RNF44: variants seen among roughly 807,000 people sequenced by gnomAD.
RNF44 encodes the protein ring finger protein 44.
RNF44 carries 25 observed loss-of-function variants against 53.6 expected under a neutral mutation model. That is an observed-to-expected ratio of 0.47 (90% confidence interval 0.34 to 0.65). The LOEUF (loss-of-function observed/expected upper bound fraction) is 0.65, where lower values mean the gene tolerates loss of function less well. Among genes scored for constraint, RNF44 ranks in the 30% least tolerant of loss-of-function variants. The pLI, the probability that RNF44 is intolerant of heterozygous loss-of-function variation, is 0.01. For synonymous variants in RNF44, 282 were observed against 252.2 expected, an observed-to-expected ratio of 1.12 and a Z score of -1.12; for missense variants, 581 against 595.5, an observed-to-expected ratio of 0.98 and a Z score of 0.25.
Position 176,530,912 on chromosome 5 carries a change from G to T in RNF44, c.575C>A (p.Pro192His), listed in dbSNP as rs748534121. ...ILHPPPPAPPPQPTHMAPLGQ... is the reference protein window; with the variant it reads ...ILHPPPPAPPHQPTHMAPLGQ... ...CAGGGGCGCCATGTGGGTGGGCTGG[G>T]GGGGTGGGGCCGGTGGTGGGGGGTG... The change falls in exon 5 of 11, where the codon CCC becomes CAC. Residue 192 changes from proline to histidine, a missense_variant. Transcript: ENST00000274811. 2.1e-6 allele frequency: 3 copies of T among 1,399,290 alleles called. No individual in the cohort carries two copies. Among genetic ancestry groups the T allele is most frequent in the East Asian group, 5.5e-5 (2 of 36,626 alleles). 86.7% of individuals were successfully genotyped at this position (1,399,290 alleles called of 1,614,324 possible).
chr5:176,527,800 C>G lies in RNF44; in HGVS notation c.*1228G>C, dbSNP rs1314212986. 6.6e-6 allele frequency: 1 copy of G among 152,336 alleles called. No individual in the cohort carries two copies. Among genetic ancestry groups the G allele is most frequent in the Non-Finnish European group, 1.5e-5 (1 of 68,090 alleles). The allele number at this position is 152,336 out of a possible 1,614,324, so 9.4% of individuals were successfully genotyped here. A position where few individuals can be genotyped will look rare whatever the true frequency, so the allele number is the denominator to read the frequency against. On this transcript the variant is annotated 3_prime_UTR_variant, in exon 11 of 11. Coordinates refer to ENST00000274811, the MANE Select transcript of RNF44 (RefSeq NM_014901.5). ...GCTCAGCCAGACCCTACAGCGGCCT[C>G]CTCCAGAACTTGGAGGACAGGGATC...
rs369728173 is a variant in RNF44 at position 176,527,424 on chromosome 5, C to T, written c.*1604G>A. 2 of 152,480 alleles carry T rather than the reference C, an allele frequency of 1.3e-5. No individual in the cohort carries two copies. Among genetic ancestry groups the T allele is most frequent in the Non-Finnish European group, 2.9e-5 (2 of 68,016 alleles). 9.4% of individuals were successfully genotyped at this position (152,480 alleles called of 1,614,324 possible). ...CCAGGAACTGTAAGGGGTTTGAAAA[C>T]GTTTTGTTGGGGTCGGGAAGGGAGG... is the stretch of plus-strand genomic sequence containing the variant. On this transcript the variant is annotated 3_prime_UTR_variant, in exon 11 of 11. Coordinates refer to ENST00000274811, the MANE Select transcript of RNF44 (RefSeq NM_014901.5).
At chr5:176,539,730 T>G (rs1316219707), upstream of RNF44, among the ~76,000 whole-genome samples, 2 of 152,004 alleles carry the variant, frequency 1.3e-5, no homozygotes, top group African/African-American at 4.8e-5. Flanking sequence ...TACCTACATA[T>G]TTGTTAGATT....
upstream of RNF44, among the ~76,000 whole-genome samples, chr5:176,543,000 G>C (rs1250806852): frequency 7.9e-5 from 12 of 152,088 alleles, no homozygotes; most frequent in Admixed American, 2.6e-4. Context: ...GGACGTGCGC[G>C]GGGCGCAGGG....
chr5:176,530,528 G>A (rs553858632), intron 6 of RNF44, 54 bp downstream of exon 6: 46 of 1,368,118 alleles, frequency 3.4e-5, no homozygotes, highest in African/African-American at 1.5e-4. Context: ...TCGGCCCAGC[G>A]GGTCTGCCTC....
At position 176,532,353 on chromosome 5, in the gene RNF44, G is replaced by T; in HGVS notation, c.107+13C>A. 1.9e-6 allele frequency: 3 copies of T among 1,601,766 alleles called. No individual in the cohort carries two copies. The highest frequency in any genetic ancestry group is 2.6e-6 in the Non-Finnish European group (3 of 1,175,424). On this transcript the variant is annotated intron_variant, in intron 2 of 10. Coordinates refer to ENST00000274811, the MANE Select transcript of RNF44 (RefSeq NM_014901.5). ...CCATGCCCCAGCACCAGGACTGGGA[G>T]GCTCCTTCCTACCTTCCCCAGAGCT...
upstream of RNF44, chr5:176,537,504 TC>T (rs745619252): frequency 5.9e-5 from 9 of 151,842 alleles, no homozygotes; most frequent in African/African-American, 9.7e-5. Context: ...TTTTTTAACC[TC>T]CTCCTCGCCC....
Position 176,532,434 on chromosome 5 carries a change from G to C in RNF44, c.39C>G (p.Pro13=). 6.2e-7 allele frequency: 1 copy of C among 1,606,526 alleles called. No individual in the cohort carries two copies. The highest frequency in any genetic ancestry group is 8.5e-7 in the Non-Finnish European group (1 of 1,178,704). The change falls in exon 2 of 11, where the codon CCC becomes CCG. Residue 13 remains proline, a synonymous_variant. Transcript: ENST00000274811. The part of the protein sequence containing the change: ...PWALAVTRWP[P]SAPVGQRRFS... ...ATCGCCGCTGGCCCACGGGGGCGGA[G>C]GGTGGCCACCTAGTCACTGCCAGAG...
At chr5:176,532,345 G>C in intron 2 of RNF44, 21 bp downstream of exon 2, 1 of 1,595,780 alleles carries the variant, frequency 6.3e-7, no homozygotes, top group Middle Eastern at 1.7e-4. Flanking sequence ...CCAGCACCAG[G>C]ACTGGGAGGC....
Position 176,530,194 on chromosome 5 carries a change from T to C in RNF44, c.814A>G (p.Met272Val), listed in dbSNP as rs1321709771. Residue 272 changes from methionine (M) to valine (V), a missense_variant, in exon 7 of 11, where the codon ATG becomes GTG. By Grantham distance (21) the Met-to-Val change is conservative (BLOSUM62 1). Coordinates refer to ENST00000274811, the MANE Select transcript of RNF44 (RefSeq NM_014901.5). ...TGGGTGCTCAGTCTCCGTGGCATCATGTGAGAATATGGCTGCAAGAGGGGC... is the reference window on the plus strand; with the variant it reads ...TGGGTGCTCAGTCTCCGTGGCATCACGTGAGAATATGGCTGCAAGAGGGGC... ...ELSFGVPYSHMMPRRLSTQRY... is the reference protein window; with the variant it reads ...ELSFGVPYSHVMPRRLSTQRY... The C allele has an allele frequency of 6.0e-6, 8 of 1,324,062 alleles. No individual in the cohort carries two copies. The highest frequency in any genetic ancestry group is 2.4e-5 in the South Asian group (1 of 41,906). 82.0% of individuals were successfully genotyped at this position (1,324,062 alleles called of 1,614,324 possible).
At chr5:176,538,953 T>A (rs1245924898), upstream of RNF44, among the ~76,000 whole-genome samples, 1 of 152,232 alleles carries the variant, frequency 6.6e-6, no homozygotes, top group Non-Finnish European at 1.5e-5. Flanking sequence ...CATTAGCTCT[T>A]TTTTAAAAAC....
At chr5:176,538,503 A>G (rs1006915688), upstream of RNF44, among the ~76,000 whole-genome samples, 1 of 152,194 alleles carries the variant, frequency 6.6e-6, no homozygotes, top group African/African-American at 2.4e-5. Context: ...GAAAATCAGT[A>G]ATTTGCTAAA....
At chr5:176,541,686 T>C (rs1757451234), upstream of RNF44, among the ~76,000 whole-genome samples, 1 of 151,932 alleles carries the variant, frequency 6.6e-6, no homozygotes, top group Non-Finnish European at 1.5e-5. Flanking sequence ...CCGACTAGGG[T>C]TCTCACCTAC....
Position 176,531,764 on chromosome 5 carries a change from C to A in RNF44, c.298-134G>T. On this transcript the variant is annotated intron_variant, in intron 3 of 10. Transcript: ENST00000274811. The surrounding 1 kb of genome is among the most constrained non-coding windows in gnomAD (Gnocchi z 4.2). The stretch of plus-strand genomic sequence containing the variant: ...CCACGGCGGCCTACCTCAGTGCAGA[C>A]CAGACTGTGCCTCTACTCCCAGGCC... 1 of 957,178 alleles carries A rather than the reference C, an allele frequency of 1.0e-6. No individual in the cohort carries two copies. Among genetic ancestry groups the A allele is most frequent in the Admixed American group, 2.9e-5 (1 of 34,696 alleles). The allele number at this position is 957,178 out of a possible 1,614,324, so 59.3% of individuals were successfully genotyped here. A position where few individuals can be genotyped will look rare whatever the true frequency, so the allele number is the denominator to read the frequency against.
Position 176,532,516 on chromosome 5 carries a change from C to T in RNF44, c.-44G>A. 1 of 1,505,860 alleles carries T rather than the reference C, an allele frequency of 6.6e-7. No individual in the cohort carries two copies. The highest frequency in any genetic ancestry group is 8.8e-7 in the Non-Finnish European group (1 of 1,131,368). The allele number at this position is 1,505,860 out of a possible 1,614,324, so 93.3% of individuals were successfully genotyped here. ...GAGGGGCTGGGCCGGGACTCACAAC[C>T]CTAGGAGGCAAGGAGACAAGAAGAC... On this transcript the variant is annotated splice_region_variant and 5_prime_UTR_variant, in exon 2 of 11. Coordinates refer to ENST00000274811, the MANE Select transcript of RNF44 (RefSeq NM_014901.5).
chr5:176,531,427 C>T lies in RNF44; in HGVS notation c.465+36G>A. On this transcript the variant is annotated intron_variant, in intron 4 of 10. Coordinates refer to ENST00000274811, the MANE Select transcript of RNF44 (RefSeq NM_014901.5). This position sits in a 1 kb window ranked among gnomAD's most constrained non-coding sequence, Gnocchi z 4.2. ...GCCGCTGGCCTGTGCCTGGGGCTTG[C>T]AGCTGGTGGAGGAGGAGCTAGAAAC... is the stretch of plus-strand genomic sequence containing the variant. 3.3e-6 allele frequency: 5 copies of T among 1,533,806 alleles called. No homozygotes were observed. The highest frequency in any genetic ancestry group is 1.2e-5 in the South Asian group (1 of 82,268).
At position 176,527,393 on chromosome 5, in the gene RNF44, C is replaced by T. The variant is rs1460661452; in HGVS notation, c.*1635G>A. 1 of 152,572 alleles carries T rather than the reference C, an allele frequency of 6.6e-6. No homozygotes were observed. The highest frequency in any genetic ancestry group is 6.5e-5 in the Admixed American group (1 of 15,274). The allele number at this position is 152,572 out of a possible 1,614,324, so 9.5% of individuals were successfully genotyped here. A position where few individuals can be genotyped will look rare whatever the true frequency, so the allele number is the denominator to read the frequency against. The stretch of plus-strand genomic sequence containing the variant: ...CACACAATCTGTGAGCCTGTTTCCG[C>T]CTGCCCCAGGAACTGTAAGGGGTTT... On this transcript the variant is annotated 3_prime_UTR_variant, in exon 11 of 11. Transcript: ENST00000274811.
rs1176177031 is a variant in RNF44, at chr5:176,527,382, G to A, written c.*1646C>T. ...GCTGCAGCCGACACACAATCTGTGA[G>A]CCTGTTTCCGCCTGCCCCAGGAACT... On this transcript the variant is annotated 3_prime_UTR_variant, in exon 11 of 11. Transcript: ENST00000274811. 6.6e-6 allele frequency: 1 copy of A among 152,588 alleles called. No homozygotes were observed. Among genetic ancestry groups the A allele is most frequent in the Admixed American group, 6.5e-5 (1 of 15,274 alleles). 9.5% of individuals were successfully genotyped at this position (152,588 alleles called of 1,614,324 possible). A position where few individuals can be genotyped will look rare whatever the true frequency, so the allele number is the denominator to read the frequency against.
At chr5:176,532,314 AC>A in intron 2 of RNF44, 51 bp downstream of exon 2, 2 of 1,551,960 alleles carry the variant, frequency 1.3e-6, no homozygotes, top group Non-Finnish European at 1.7e-6. Flanking sequence ...CCTGCGCCCC[AC>A]CCCTGCTGGC....
Sources: gnomAD v4.1 joint callset for allele counts (sites outside exome capture counted in the v4.1 genomes callset) on GRCh38, gnomAD v4.1.1 for gene constraint, Gnocchi (gnomAD v3.1) non-coding constraint, MANE v1.5 for transcripts, NCBI Gene and HGNC (gene_info 2026-07-23, HGNC 2026-07-21) for gene names.